The following ABL2 variants were observed in gnomAD, a reference collection of about 807,000 sequenced individuals.
The protein encoded by ABL2 is tyrosine-protein kinase ABL2.
A neutral mutation model predicts 107.7 loss-of-function variants in ABL2; 49 were observed. The ratio of observed to expected loss-of-function variants is 0.45; its 90% CI spans 0.36 to 0.58. The LOEUF is 0.58. ABL2 is among the 20% of genes least tolerant of loss of function. The pLI is 0.00. For missense variants in ABL2, 1,245 were observed against 1,457.0 expected (o/e 0.85, Z 2.37); for synonymous variants, 549 against 548.6 (o/e 1.00, Z -0.01).
At chr1:179,218,991 C>T (rs1204435400) in intron 1 of ABL2, among the ~76,000 whole-genome samples, 1 of 152,174 alleles carries the variant, frequency 6.6e-6, no homozygotes, top group Non-Finnish European at 1.5e-5. Context: ...ATGTGCAGTG[C>T]CACATTAAGA....
At chr1:179,114,034 C>A (rs1654369829) in intron 9 of ABL2, among the ~76,000 whole-genome samples, 1 of 152,178 alleles carries the variant, frequency 6.6e-6, no homozygotes, top group Non-Finnish European at 1.5e-5. Context: ...GCGGGCGCAT[C>A]ACTTGAGGTT....
At chr1:179,112,263 C>G (rs1572613812) in intron 10 of ABL2, 46 bp downstream of exon 10, 66 of 1,500,052 alleles carry the variant, frequency 4.4e-5, no homozygotes, top group Non-Finnish European at 5.9e-5. Context: ...CCACCACCAC[C>G]ACTACCCAGA....
intron 2 of ABL2, 34 bp downstream of exon 2, chr1:179,133,278 T>C (rs1283964716): frequency 1.9e-6 from 3 of 1,613,834 alleles, no homozygotes; most frequent in Admixed American, 1.7e-5. Context: ...GCCAATGCCT[T>C]AGTTCAAATC....
chr1:179,105,132 T>C lies in ABL2; in HGVS notation c.*2586A>G, dbSNP rs1653385735. 4.3e-6 allele frequency: 1 copy of C among 230,050 alleles called. No individual in the cohort carries two copies. Among genetic ancestry groups the C allele is most frequent in the Non-Finnish European group, 8.6e-6 (1 of 116,120 alleles). The allele number at this position is 230,050 out of a possible 1,614,324, so 14.3% of individuals were successfully genotyped here. A position where few individuals can be genotyped will look rare whatever the true frequency, so the allele number is the denominator to read the frequency against. On this transcript the variant is annotated 3_prime_UTR_variant, in exon 12 of 12. Transcript: ENST00000502732. ...AGTGTTGACAAAAATCAATTCCATT[T>C]ATATATCGTGCACCCACTGTAGGCA...
At chr1:179,180,482 G>A (rs966471236) in intron 1 of ABL2, among the ~76,000 whole-genome samples, 3 of 152,140 alleles carry the variant, frequency 2.0e-5, no homozygotes, top group Non-Finnish European at 4.4e-5. Flanking sequence ...AGACTCTGCT[G>A]CTAAGGCCTA....
intron 1 of ABL2, among the ~76,000 whole-genome samples, chr1:179,190,801 C>T (rs888509394): frequency 2.6e-5 from 4 of 151,804 alleles, no homozygotes; most frequent in South Asian, 2.1e-4. Flanking sequence ...TTTTTTTGGC[C>T]GGGGAAACGG....
At chr1:179,116,494 T>C (rs1654639511) in intron 8 of ABL2, among the ~76,000 whole-genome samples, 1 of 152,154 alleles carries the variant, frequency 6.6e-6, no homozygotes. Flanking sequence ...GACTTCTTTT[T>C]TAAAACTTTC....
chr1:179,117,102 T>C, intron 8 of ABL2: 2 of 532,352 alleles, frequency 3.8e-6, no homozygotes, highest in South Asian at 2.1e-5. Flanking sequence ...CCCAAAGTGC[T>C]GTAATTACAA....
intron 1 of ABL2, among the ~76,000 whole-genome samples, chr1:179,212,405 T>C (rs1662323669): frequency 6.6e-6 from 1 of 152,206 alleles, no homozygotes; most frequent in Admixed American, 6.5e-5. Context: ...CTCACAGGTC[T>C]TACCATCTAA....
Position 179,103,219 on chromosome 1 carries a change from A to G in ABL2, c.*4499T>C. 4.8e-6 allele frequency: 1 copy of G among 210,066 alleles called. No individual in the cohort carries two copies. The allele number at this position is 210,066 out of a possible 1,614,324, so 13.0% of individuals were successfully genotyped here. On this transcript the variant is annotated 3_prime_UTR_variant, in exon 12 of 12. Coordinates refer to ENST00000502732, the MANE Select transcript of ABL2 (RefSeq NM_007314.4). Reference sequence around the variant, plus strand: ...TGAAGTAATTCAGCTCTGAACTACAACTTTAGCAAACACTTGCTATACCTG... The same window carrying G: ...TGAAGTAATTCAGCTCTGAACTACAGCTTTAGCAAACACTTGCTATACCTG...
chr1:179,160,211 T>C (rs1658977666), intron 1 of ABL2, among the ~76,000 whole-genome samples: 1 of 152,036 alleles, frequency 6.6e-6, no homozygotes, highest in African/African-American at 2.4e-5. Context: ...TTAATACTCA[T>C]AAATATTAAG....
chr1:179,177,159 G>A (rs1660097440), intron 1 of ABL2, among the ~76,000 whole-genome samples: 1 of 152,120 alleles, frequency 6.6e-6, no homozygotes, highest in South Asian at 2.1e-4. Context: ...AGCAAGTGAG[G>A]AGCAGGTTCC....
chr1:179,190,036 C>T (rs1329180536), intron 1 of ABL2, among the ~76,000 whole-genome samples: 1 of 151,976 alleles, frequency 6.6e-6, no homozygotes, highest in Admixed American at 6.6e-5. Context: ...AGGCTGGTCT[C>T]GAACTCCTGA....
chr1:179,123,692 C>T (rs984982207), intron 4 of ABL2, among the ~76,000 whole-genome samples: 2 of 152,094 alleles, frequency 1.3e-5, no homozygotes, highest in Non-Finnish European at 2.9e-5. Flanking sequence ...TGCAGTGACA[C>T]AATCATGACT....
chr1:179,101,992 A>ATTTTTTTTT lies in ABL2; in HGVS notation c.*5725_*5726insAAAAAAAAA, dbSNP rs1557895974. The ATTTTTTTTT allele has an allele frequency of 2.0e-5, 2 of 100,294 alleles. No homozygotes were observed. The highest frequency in any genetic ancestry group is 2.5e-4 in the East Asian group (1 of 3,940). 6.2% of individuals were successfully genotyped at this position (100,294 alleles called of 1,614,324 possible). On this transcript the variant is annotated 3_prime_UTR_variant, in exon 12 of 12. Coordinates refer to ENST00000502732, the MANE Select transcript of ABL2 (RefSeq NM_007314.4). ...AAAAAAAAGCAAGCTTTGCATTAGA[A>ATTTTTTTTT]TTTCTTTTTTTTTTTTTTTTTTTTT...
chr1:179,189,633 GA>G (rs1021483061), intron 1 of ABL2, among the ~76,000 whole-genome samples: 3 of 152,070 alleles, frequency 2.0e-5, no homozygotes, highest in Non-Finnish European at 4.4e-5. Flanking sequence ...GGAGTCTGAG[GA>G]TAGAAAAAAC....
chr1:179,134,348 C>T (rs1235526807), intron 1 of ABL2, among the ~76,000 whole-genome samples: 1 of 152,118 alleles, frequency 6.6e-6, no homozygotes, highest in East Asian at 1.9e-4. Context: ...AAGTTTGAGA[C>T]CAGCCTGATC....
intron 1 of ABL2, among the ~76,000 whole-genome samples, chr1:179,216,776 C>T (rs1403501216): frequency 1.3e-5 from 2 of 151,908 alleles, no homozygotes; most frequent in African/African-American, 2.4e-5. Flanking sequence ...CTCCACCTCC[C>T]GGGTTCAAGC....
At chr1:179,113,704 G>A (rs555388117) in intron 9 of ABL2, among the ~76,000 whole-genome samples, 23 of 152,098 alleles carry the variant, frequency 1.5e-4, no homozygotes, top group Non-Finnish European at 2.5e-4. Flanking sequence ...CGAGGCAGGC[G>A]GATCACGAGG....
Sources: gnomAD v4.1 joint callset for allele counts (sites outside exome capture counted in the v4.1 genomes callset) on GRCh38, gnomAD v4.1.1 for gene constraint, MANE v1.5 for transcripts, NCBI Gene and HGNC (gene_info 2026-07-23, HGNC 2026-07-21) for gene names.